The following CAMK1D variants were observed in gnomAD, a reference collection of about 807,000 sequenced individuals.
CAMK1D encodes the protein calcium/calmodulin-dependent protein kinase type 1D.
Under a neutral mutation model 47.7 loss-of-function variants are expected in CAMK1D, and 9 were observed. That is an observed-to-expected ratio of 0.19 (90% CI 0.11 to 0.33). The LOEUF (loss-of-function observed/expected upper bound fraction) is 0.33. Among genes scored for constraint, CAMK1D ranks in the 10% least tolerant of loss-of-function variants. The pLI is 1.00. For missense variants in CAMK1D, 291 were observed against 488.7 expected, an observed-to-expected ratio of 0.60 and a Z score of 3.81; for synonymous variants, 184 against 184.9, an observed-to-expected ratio of 0.99 and a Z score of 0.04.
intron 3 of CAMK1D, among the ~76,000 whole-genome samples, chr10:12,674,087 A>G (rs917265802): frequency 2.6e-5 from 4 of 152,164 alleles, no homozygotes; most frequent in Non-Finnish European, 5.9e-5. Flanking sequence ...CTGGGACTGC[A>G]GGCATGTGCC....
chr10:12,625,084 C>G (rs1456370450), intron 2 of CAMK1D, among the ~76,000 whole-genome samples: 3 of 152,058 alleles, frequency 2.0e-5, no homozygotes, highest in Non-Finnish European at 4.4e-5. Flanking sequence ...TGCCTGTAAT[C>G]CCAGCACTTT....
intron 2 of CAMK1D, among the ~76,000 whole-genome samples, chr10:12,599,309 T>C (rs952318590): frequency 6.6e-6 from 1 of 152,116 alleles, no homozygotes; most frequent in African/African-American, 2.4e-5. Flanking sequence ...ATTCTGTCCA[T>C]TCAGTGAGGC....
At chr10:12,720,451 C>A (rs1230257737) in intron 3 of CAMK1D, among the ~76,000 whole-genome samples, 1 of 152,256 alleles carries the variant, frequency 6.6e-6, no homozygotes, top group Non-Finnish European at 1.5e-5. Flanking sequence ...CAAACCTTGG[C>A]AGGTCTGTGA....
intron 1 of CAMK1D, among the ~76,000 whole-genome samples, chr10:12,398,171 G>T (rs1266112536): frequency 6.6e-6 from 1 of 151,986 alleles, no homozygotes; most frequent in Non-Finnish European, 1.5e-5. Context: ...TTAAAAAGAA[G>T]CTCATCTTTA....
chr10:12,674,498 T>C (rs1304526290), intron 3 of CAMK1D, among the ~76,000 whole-genome samples: 5 of 152,026 alleles, frequency 3.3e-5, no homozygotes, highest in Non-Finnish European at 7.4e-5. Flanking sequence ...CTATTTCAAT[T>C]CTGAGTATTG....
intron 1 of CAMK1D, among the ~76,000 whole-genome samples, chr10:12,354,578 T>G (rs951282813): frequency 2.0e-5 from 3 of 151,500 alleles, no homozygotes; most frequent in Non-Finnish European, 4.4e-5. Context: ...CCGGCTAATT[T>G]TTTTGTATTT....
At chr10:12,748,653 C>T (rs147527264) in intron 3 of CAMK1D, among the ~76,000 whole-genome samples, 594 of 152,292 alleles carry the variant, frequency 3.9e-3, no homozygotes, top group Non-Finnish European at 6.0e-3. Context: ...ATGCTGTTTA[C>T]TGTGCCCTGC....
chr10:12,545,405 C>T (rs778199045), intron 1 of CAMK1D, among the ~76,000 whole-genome samples: 2 of 142,294 alleles, frequency 1.4e-5, no homozygotes, highest in African/African-American at 5.3e-5. Context: ...AGCTAGATGA[C>T]GCCACTGCAC....
At chr10:12,607,092 C>T (rs542715942) in intron 2 of CAMK1D, among the ~76,000 whole-genome samples, 19 of 152,284 alleles carry the variant, frequency 1.2e-4, no homozygotes, top group Middle Eastern at 3.4e-3. Context: ...TCCCAAAGTG[C>T]TGGGATTATA....
intron 1 of CAMK1D, among the ~76,000 whole-genome samples, chr10:12,520,273 C>T (rs1056000809): frequency 1.2e-5 from 1 of 83,664 alleles, no homozygotes; most frequent in African/African-American, 4.6e-5. Flanking sequence ...CCAGCAGAGG[C>T]GCTCCTCACA....
At chr10:12,652,352 T>C (rs1839997387) in intron 2 of CAMK1D, among the ~76,000 whole-genome samples, 1 of 145,406 alleles carries the variant, frequency 6.9e-6, no homozygotes, top group Non-Finnish European at 1.5e-5. Context: ...GAGGCAGAGA[T>C]GGGCGGATCA....
intron 2 of CAMK1D, among the ~76,000 whole-genome samples, chr10:12,658,554 C>T (rs962965265): frequency 2.6e-5 from 4 of 152,098 alleles, no homozygotes; most frequent in Non-Finnish European, 4.4e-5. Flanking sequence ...ATGTTGCCTT[C>T]CCCAAGACCA....
rs546592551 is a variant in CAMK1D at position 12,523,572 on chromosome 10, G to A, written c.93-29653G>A. Among the ~76,000 whole-genome samples the A allele has an allele frequency of 2.2e-3, 328 of 152,214 alleles. 2 individuals carry two copies. The highest frequency in any genetic ancestry group is 7.5e-3 in the African/African-American group (312 of 41,554). Reference sequence around the variant, plus strand: ...AGCCCGGCCAACACAGCGAAACCCCGTCTCCACCAAAAAAATACGAAAACC... The same window carrying A: ...AGCCCGGCCAACACAGCGAAACCCCATCTCCACCAAAAAAATACGAAAACC... On this transcript the variant is annotated intron_variant, in intron 1 of 10. Coordinates refer to ENST00000619168, the MANE Select transcript of CAMK1D (RefSeq NM_153498.4).
chr10:12,764,596 C>A (rs1430906123), intron 4 of CAMK1D, among the ~76,000 whole-genome samples: 1 of 150,756 alleles, frequency 6.6e-6, no homozygotes, highest in Non-Finnish European at 1.5e-5. Context: ...TTATCACCTC[C>A]TGGGACAAGG....
In CAMK1D at chr10:12,827,420, T is replaced by TTTCCTTCCTTCC. The variant is rs796127858; in HGVS notation, c.1040-1341_1040-1330dup. 2.0e-3 allele frequency among the ~76,000 whole-genome samples: 24 copies of TTTCCTTCCTTCC among 12,028 alleles called. 1 individual carries two copies. Among genetic ancestry groups the TTTCCTTCCTTCC allele is most frequent in the Admixed American group, 3.8e-3 (5 of 1,330 alleles). The allele number at this position is 12,028 out of a possible 152,430, so 7.9% of individuals were successfully genotyped here. A position where few individuals can be genotyped will look rare whatever the true frequency, so the allele number is the denominator to read the frequency against. On this transcript the variant is annotated intron_variant, in intron 10 of 10. Coordinates refer to ENST00000619168, the MANE Select transcript of CAMK1D (RefSeq NM_153498.4). ...CCTTCCTTTCTTCTTTCTCTCTTTC[T>TTTCCTTCCTTCC]TTCCTTCCTTCCTTCCTTCTTTCTT...
chr10:12,422,047 G>A (rs1455904303), intron 1 of CAMK1D, among the ~76,000 whole-genome samples: 3 of 152,140 alleles, frequency 2.0e-5, no homozygotes, highest in Non-Finnish European at 4.4e-5. Flanking sequence ...GATCTCAGGT[G>A]ATCCGCCCGC....
chr10:12,405,560 T>C (rs1444411705), intron 1 of CAMK1D, among the ~76,000 whole-genome samples: 3 of 152,324 alleles, frequency 2.0e-5, no homozygotes, highest in African/African-American at 4.8e-5. Flanking sequence ...CTAGCACGTA[T>C]AAACAGATAG....
intron 1 of CAMK1D, among the ~76,000 whole-genome samples, chr10:12,507,928 C>G (rs1834927132): frequency 1.3e-5 from 2 of 152,074 alleles, no homozygotes; most frequent in Non-Finnish European, 2.9e-5. Context: ...TTCCCCAAGC[C>G]TCTACACACT....
intron 6 of CAMK1D, among the ~76,000 whole-genome samples, chr10:12,803,493 C>A (rs1194727009): frequency 6.6e-6 from 1 of 151,946 alleles, no homozygotes; most frequent in African/African-American, 2.4e-5. Flanking sequence ...ACCAGCCTGG[C>A]CAACACGGTG....
Sources: allele counts gnomAD v4.1 joint callset (sites outside exome capture counted in the v4.1 genomes callset), GRCh38; gene constraint gnomAD v4.1.1; transcripts MANE v1.5; gene names NCBI Gene and HGNC (gene_info 2026-07-23, HGNC 2026-07-21).